Variants in ZNF710 observed in about 807,000 individuals in gnomAD.
ZNF710 encodes the protein zinc finger protein 710.
In ZNF710, 13 loss-of-function variants were observed where a neutral mutation model predicts 50.6. The ratio of observed to expected loss-of-function variants is 0.26; its 90% CI spans 0.17 to 0.41. ZNF710 has a LOEUF of 0.41. Ranked by LOEUF, ZNF710 falls within the 10% of genes least tolerant of loss-of-function variation. The probability of loss-of-function intolerance (pLI) is 1.00; values close to 1 mark genes in which losing one functional copy is unlikely to be tolerated. For synonymous variants in ZNF710, 383 were observed against 397.0 expected (o/e 0.96, Z 0.42); for missense variants, 721 against 936.6 (o/e 0.77, Z 3.01).
intron 1 of ZNF710, chr15:90,025,335 G>A (rs939258290): frequency 6.6e-6 from 1 of 152,176 alleles, no homozygotes; most frequent in Admixed American, 6.5e-5. Context: ...TAACAGCAGA[G>A]CATGTCTGTG....
chr15:90,077,708 G>A (rs1900626575), intron 4 of ZNF710, among the ~76,000 whole-genome samples: 1 of 152,160 alleles, frequency 6.6e-6, no homozygotes, highest in Admixed American at 6.5e-5. Context: ...ACAGGCACAA[G>A]TAACAGATAC....
intron 1 of ZNF710, among the ~76,000 whole-genome samples, chr15:90,020,725 A>C (rs1317756706): frequency 6.6e-6 from 1 of 152,202 alleles, no homozygotes; most frequent in African/African-American, 2.4e-5. Context: ...AATGGCTCCC[A>C]GCTCCTTTGT....
intron 1 of ZNF710, among the ~76,000 whole-genome samples, chr15:90,042,957 AC>A (rs994844142): frequency 7.9e-5 from 12 of 152,216 alleles, no homozygotes; most frequent in African/African-American, 2.9e-4. Flanking sequence ...AGTGACATAG[AC>A]CCAACAGCTG....
chr15:90,031,449 A>G (rs1898946486), intron 1 of ZNF710, among the ~76,000 whole-genome samples: 2 of 152,232 alleles, frequency 1.3e-5, no homozygotes, highest in South Asian at 4.1e-4. Flanking sequence ...ACATTTGAGA[A>G]GCAGCGCTCT....
intron 1 of ZNF710, among the ~76,000 whole-genome samples, chr15:90,036,437 C>T (rs905052708): frequency 6.6e-6 from 1 of 152,114 alleles, no homozygotes; most frequent in Non-Finnish European, 1.5e-5. Context: ...CCAGCGTCTT[C>T]CCCACCGAGG....
intron 1 of ZNF710, among the ~76,000 whole-genome samples, chr15:90,023,117 G>A (rs1260678237): frequency 6.6e-6 from 1 of 152,144 alleles, no homozygotes; most frequent in African/African-American, 2.4e-5. Flanking sequence ...GGCTTATGAA[G>A]GTGGCTGCTT....
intron 4 of ZNF710, among the ~76,000 whole-genome samples, chr15:90,079,364 T>A (rs1413471661): frequency 6.6e-6 from 1 of 152,088 alleles, no homozygotes; most frequent in Non-Finnish European, 1.5e-5. Context: ...GACGGGTCAA[T>A]GGAAGAATGA....
chr15:90,081,252 C>A lies in ZNF710; in HGVS notation c.*1423C>A. The A allele has an allele frequency of 6.6e-6, 1 of 152,242 alleles. No homozygotes were observed. 9.4% of individuals were successfully genotyped at this position (152,242 alleles called of 1,614,324 possible). ...TTCCCCTCTGTTCCCACGCCAGCTC[C>A]TGCCCCTGGAACCAGAGATGACAGG... On this transcript the variant is annotated 3_prime_UTR_variant, in exon 5 of 5. Coordinates refer to ENST00000268154, the MANE Select transcript of ZNF710 (RefSeq NM_198526.4).
intron 1 of ZNF710, among the ~76,000 whole-genome samples, chr15:90,055,818 A>G (rs12592544): frequency 0.48 from 73,263 of 152,178 alleles, 21,945 homozygotes; most frequent in African/African-American, 0.83. Context: ...AAGGAAACAC[A>G]AGGAGTCAAG....
At chr15:90,011,351 C>G (rs1400715230) in intron 1 of ZNF710, among the ~76,000 whole-genome samples, 1 of 152,246 alleles carries the variant, frequency 6.6e-6, no homozygotes, top group East Asian at 1.9e-4. Flanking sequence ...TCAACCCATG[C>G]TCCTGCCACG....
chr15:90,008,431 T>TACAC (rs1567218378), intron 1 of ZNF710, among the ~76,000 whole-genome samples: 21 of 142,580 alleles, frequency 1.5e-4, no homozygotes, highest in African/African-American at 5.0e-4. Flanking sequence ...TGTGTGTATA[T>TACAC]ATATATATAC....
intron 1 of ZNF710, among the ~76,000 whole-genome samples, chr15:90,014,659 T>C (rs1216664191): frequency 6.6e-6 from 1 of 152,048 alleles, no homozygotes; most frequent in Non-Finnish European, 1.5e-5. Flanking sequence ...TTGGAGAAAG[T>C]ACTTTCTAAG....
intron 3 of ZNF710, among the ~76,000 whole-genome samples, chr15:90,073,786 C>G (rs1017887521): frequency 3.9e-5 from 6 of 151,916 alleles, no homozygotes; most frequent in Admixed American, 2.6e-4. Context: ...GTAAGGAGTT[C>G]GAGACCAGCC....
intron 1 of ZNF710, among the ~76,000 whole-genome samples, chr15:90,061,148 C>CT (rs1029151123): frequency 2.7e-5 from 4 of 150,936 alleles, no homozygotes; most frequent in African/African-American, 2.5e-5. Flanking sequence ...TGCTTGCTTG[C>CT]TTTTTCTTTA....
At chr15:90,064,899 G>T (rs187054367) in intron 1 of ZNF710, among the ~76,000 whole-genome samples, 2 of 152,056 alleles carry the variant, frequency 1.3e-5, no homozygotes, top group East Asian at 3.9e-4. Context: ...TTTCATCCCC[G>T]TTTTTCAGAT....
intron 1 of ZNF710, chr15:90,026,081 G>T (rs1237112387): frequency 6.6e-6 from 1 of 151,458 alleles, no homozygotes; most frequent in African/African-American, 2.4e-5. Context: ...AAATGAGAGG[G>T]GAAAAAAATA....
chr15:90,071,253 C>G (rs1034724635), intron 2 of ZNF710, among the ~76,000 whole-genome samples: 2 of 130,414 alleles, frequency 1.5e-5, no homozygotes, highest in Non-Finnish European at 3.1e-5. Flanking sequence ...AAAAGCAAGA[C>G]TCTGTCTTAA....
chr15:90,045,624 G>C (rs1899436136), intron 1 of ZNF710, among the ~76,000 whole-genome samples: 1 of 152,162 alleles, frequency 6.6e-6, no homozygotes, highest in Non-Finnish European at 1.5e-5. Context: ...AGGAGGCCCA[G>C]CTCAAAGCTC....
intron 1 of ZNF710, among the ~76,000 whole-genome samples, chr15:90,043,755 T>C (rs1263080645): frequency 6.6e-6 from 1 of 152,194 alleles, no homozygotes; most frequent in Non-Finnish European, 1.5e-5. Flanking sequence ...GAACATTCTT[T>C]CTTTCAAAGC....
Sources: allele counts gnomAD v4.1 joint callset (sites outside exome capture counted in the v4.1 genomes callset), GRCh38; gene constraint gnomAD v4.1.1; transcripts MANE v1.5; gene names NCBI Gene and HGNC (gene_info 2026-07-23, HGNC 2026-07-21).